The following PLXNA4 variants were observed in gnomAD, a reference collection of about 807,000 sequenced individuals.
The protein encoded by PLXNA4 is plexin-A4.
Under a neutral mutation model 191.8 loss-of-function variants are expected in PLXNA4, and 44 were observed. The observed-to-expected ratio is 0.23, with a 90% CI of 0.18 to 0.29. The LOEUF (loss-of-function observed/expected upper bound fraction) is 0.29. Among genes scored for constraint, PLXNA4 ranks in the 10% least tolerant of loss-of-function variants. PLXNA4 has a pLI of 1.00. For missense variants in PLXNA4, 1,800 were observed against 2,488.8 expected (o/e 0.72, Z 5.89); for synonymous variants, 1,082 against 1,009.5 (o/e 1.07, Z -1.36).
intron 3 of PLXNA4, among the ~76,000 whole-genome samples, chr7:132,467,691 C>T (rs972362310): frequency 1.3e-5 from 2 of 152,190 alleles, no homozygotes; most frequent in Admixed American, 6.5e-5. Flanking sequence ...GACCCAGACT[C>T]CCAGCCTATT....
At chr7:132,231,459 C>T (rs1412162227) in intron 5 of PLXNA4, among the ~76,000 whole-genome samples, 1 of 152,180 alleles carries the variant, frequency 6.6e-6, no homozygotes, top group Non-Finnish European at 1.5e-5. Context: ...GAGTCTGGCT[C>T]TGTAGCCCAG....
At chr7:132,166,105 G>A (rs778609563) in intron 22 of PLXNA4, among the ~76,000 whole-genome samples, 2 of 152,038 alleles carry the variant, frequency 1.3e-5, no homozygotes, top group Non-Finnish European at 2.9e-5. Context: ...GCTGAGGCAG[G>A]AGAATCGCTT....
intron 25 of PLXNA4, among the ~76,000 whole-genome samples, chr7:132,149,181 A>G (rs1380818597): frequency 6.6e-6 from 1 of 152,130 alleles, no homozygotes; most frequent in Non-Finnish European, 1.5e-5. Context: ...AAGAGTGTGG[A>G]AAAAATCAGC....
At chr7:132,536,846 G>T (rs996315444) in intron 1 of PLXNA4, among the ~76,000 whole-genome samples, 1 of 152,242 alleles carries the variant, frequency 6.6e-6, no homozygotes, top group Non-Finnish European at 1.5e-5. Flanking sequence ...AGTTAGGGCA[G>T]AAAGAGACAG....
chr7:132,253,298 C>T (rs1228215709), intron 4 of PLXNA4, among the ~76,000 whole-genome samples: 4 of 148,688 alleles, frequency 2.7e-5, no homozygotes, highest in East Asian at 3.9e-4. Flanking sequence ...TGCAGTGGCG[C>T]GATCTCAGCT....
chr7:132,198,992 A>G (rs552220608), intron 12 of PLXNA4, among the ~76,000 whole-genome samples: 10 of 152,292 alleles, frequency 6.6e-5, no homozygotes, highest in African/African-American at 1.9e-4. Context: ...CAAGGAAAAT[A>G]AAAACCCCTC....
intron 3 of PLXNA4, among the ~76,000 whole-genome samples, chr7:132,395,487 T>C (rs1455029142): frequency 1.3e-5 from 2 of 151,996 alleles, no homozygotes; most frequent in Non-Finnish European, 2.9e-5. Flanking sequence ...CAGCACTGAG[T>C]GGGGGCACAA....
At chr7:132,351,514 C>T (rs1187277519) in intron 3 of PLXNA4, among the ~76,000 whole-genome samples, 1 of 152,172 alleles carries the variant, frequency 6.6e-6, no homozygotes. Flanking sequence ...GCCGTTGGCT[C>T]CAGCTTCCTG....
intron 3 of PLXNA4, among the ~76,000 whole-genome samples, chr7:132,441,235 T>A (rs1293380802): frequency 6.6e-6 from 1 of 152,210 alleles, no homozygotes; most frequent in Non-Finnish European, 1.5e-5. Context: ...AGATCTGCAT[T>A]GCAACAAAAG....
At chr7:132,361,986 A>G (rs1803960807) in intron 3 of PLXNA4, among the ~76,000 whole-genome samples, 1 of 152,214 alleles carries the variant, frequency 6.6e-6, no homozygotes, top group Non-Finnish European at 1.5e-5. Flanking sequence ...AACTGGATCT[A>G]AAGTGAGGTA....
intron 4 of PLXNA4, among the ~76,000 whole-genome samples, chr7:132,243,969 A>G (rs955860820): frequency 1.3e-5 from 2 of 151,818 alleles, no homozygotes; most frequent in Non-Finnish European, 2.9e-5. Flanking sequence ...TAAGCCATTC[A>G]TTGCTCCACA....
intron 25 of PLXNA4, among the ~76,000 whole-genome samples, chr7:132,153,378 G>C (rs1795700974): frequency 6.6e-6 from 1 of 152,130 alleles, no homozygotes; most frequent in African/African-American, 2.4e-5. Context: ...GCGGGGAGGG[G>C]ATAAGGAGAG....
At chr7:132,468,070 G>T (rs1034850617) in intron 3 of PLXNA4, among the ~76,000 whole-genome samples, 1 of 152,128 alleles carries the variant, frequency 6.6e-6, no homozygotes, top group African/African-American at 2.4e-5. Flanking sequence ...TGGTGTGACC[G>T]AGTTGGAATA....
intron 3 of PLXNA4, among the ~76,000 whole-genome samples, chr7:132,421,830 A>G (rs1396422534): frequency 6.6e-6 from 1 of 152,100 alleles, no homozygotes; most frequent in East Asian, 1.9e-4. Context: ...TTGAGACACC[A>G]ATTTAGTTAC....
At chr7:132,292,436 C>T (rs1274332712) in intron 4 of PLXNA4, among the ~76,000 whole-genome samples, 1 of 152,158 alleles carries the variant, frequency 6.6e-6, no homozygotes, top group Admixed American at 6.5e-5. Flanking sequence ...ATAGAGCTTG[C>T]CGGGTTGCTG....
At chr7:132,131,287 G>C (rs1415883141) in intron 31 of PLXNA4, among the ~76,000 whole-genome samples, 2 of 152,126 alleles carry the variant, frequency 1.3e-5, no homozygotes, top group Non-Finnish European at 2.9e-5. Flanking sequence ...TGGAGTAAAG[G>C]CTCTGCCAGT....
intron 3 of PLXNA4, among the ~76,000 whole-genome samples, chr7:132,461,931 A>G (rs1255870061): frequency 1.3e-5 from 2 of 152,274 alleles, no homozygotes; most frequent in Non-Finnish European, 2.9e-5. Context: ...ATCAAAATTA[A>G]GAAACCACAG....
chr7:132,485,068 A>G, intron 3 of PLXNA4: 2 of 1,605,248 alleles, frequency 1.2e-6, no homozygotes, highest in Non-Finnish European at 1.7e-6. Context: ...AAAAATTAGG[A>G]AGATTAAATT....
At chr7:132,296,500 G>A (rs898995386) in intron 4 of PLXNA4, among the ~76,000 whole-genome samples, 3 of 150,062 alleles carry the variant, frequency 2.0e-5, no homozygotes, top group African/African-American at 7.4e-5. Flanking sequence ...TTGAACTCCT[G>A]GCCTTTCGGT....
Sources: allele counts gnomAD v4.1 joint callset (sites outside exome capture counted in the v4.1 genomes callset), GRCh38; gene constraint gnomAD v4.1.1; transcripts MANE v1.5; gene names NCBI Gene and HGNC (gene_info 2026-07-23, HGNC 2026-07-21).